Variants in MACROD2 observed in about 807,000 individuals in gnomAD.
The protein encoded by MACROD2 is ADP-ribose glycohydrolase MACROD2.
Under a neutral mutation model 70.4 loss-of-function variants are expected in MACROD2, and 36 were observed. That is an observed-to-expected ratio of 0.51 (90% CI 0.39 to 0.68). The LOEUF (loss-of-function observed/expected upper bound fraction) is 0.68, where lower values mean the gene tolerates loss of function less well. Ranked by LOEUF, MACROD2 falls within the 30% of genes least tolerant of loss-of-function variation. The pLI is 0.00. For missense variants in MACROD2, 496 were observed against 538.4 expected, an observed-to-expected ratio of 0.92 and a Z score of 0.78; for synonymous variants, 172 against 178.8, an observed-to-expected ratio of 0.96 and a Z score of 0.30.
chr20:15,907,683 A>T (rs536152441), intron 10 of MACROD2, among the ~76,000 whole-genome samples: 9 of 152,324 alleles, frequency 5.9e-5, no homozygotes, highest in African/African-American at 1.9e-4. Context: ...GAGTGTGGAC[A>T]GTCATTTTGC....
chr20:14,925,590 C>T (rs943477644), intron 5 of MACROD2, among the ~76,000 whole-genome samples: 4 of 152,166 alleles, frequency 2.6e-5, no homozygotes, highest in African/African-American at 9.7e-5. Context: ...ATACAGAAGG[C>T]TTAACTTCTA....
chr20:14,937,733 A>G (rs141473181), intron 5 of MACROD2, among the ~76,000 whole-genome samples: 195 of 152,252 alleles, frequency 1.3e-3, no homozygotes, highest in African/African-American at 4.4e-3. Flanking sequence ...ACAATAGATT[A>G]TTGTAAATTA....
At chr20:14,964,045 T>C (rs2122774678) in intron 5 of MACROD2, among the ~76,000 whole-genome samples, 1 of 152,068 alleles carries the variant, frequency 6.6e-6, no homozygotes, top group Admixed American at 6.5e-5. Context: ...TTCAGATTTT[T>C]TTCTGTGTTT....
intron 8 of MACROD2, among the ~76,000 whole-genome samples, chr20:15,719,377 A>C (rs758513916): frequency 6.6e-6 from 1 of 152,174 alleles, no homozygotes. Context: ...CATAGTTGTG[A>C]GTGAACTCCA....
At chr20:14,718,337 A>G (rs1662423152) in intron 5 of MACROD2, among the ~76,000 whole-genome samples, 1 of 148,478 alleles carries the variant, frequency 6.7e-6, no homozygotes. Flanking sequence ...ATATATGTGT[A>G]TATATATTAA....
intron 15 of MACROD2, among the ~76,000 whole-genome samples, chr20:15,996,194 C>T (rs1321056767): frequency 6.6e-6 from 1 of 152,096 alleles, no homozygotes. Flanking sequence ...TTTAATGAAA[C>T]TCTCCCTAAC....
intron 3 of MACROD2, among the ~76,000 whole-genome samples, chr20:14,398,706 C>T (rs1256402655): frequency 6.6e-6 from 1 of 152,036 alleles, no homozygotes; most frequent in Non-Finnish European, 1.5e-5. Flanking sequence ...TTCTTCCGTC[C>T]TACAGGTTAT....
chr20:15,759,963 AG>A (rs1255176196), intron 8 of MACROD2, among the ~76,000 whole-genome samples: 1 of 152,194 alleles, frequency 6.6e-6, no homozygotes, highest in Admixed American at 6.5e-5. Flanking sequence ...TGCCGCGTAA[AG>A]CTTCAGAAAA....
At chr20:14,531,739 G>T (rs2085306839) in intron 4 of MACROD2, among the ~76,000 whole-genome samples, 1 of 152,118 alleles carries the variant, frequency 6.6e-6, no homozygotes, top group African/African-American at 2.4e-5. Flanking sequence ...ATGATACATA[G>T]AAATTAAATG....
chr20:15,285,508 G>A (rs2077482944), intron 6 of MACROD2, among the ~76,000 whole-genome samples: 1 of 152,146 alleles, frequency 6.6e-6, no homozygotes, highest in Non-Finnish European at 1.5e-5. Flanking sequence ...TGACAGCAAT[G>A]TATTTAAATT....
intron 5 of MACROD2, among the ~76,000 whole-genome samples, chr20:14,724,447 A>C (rs1256760311): frequency 6.6e-6 from 1 of 152,184 alleles, no homozygotes; most frequent in African/African-American, 2.4e-5. Context: ...ATAAGAGAAA[A>C]TTCCTATTTT....
chr20:15,092,786 C>T (rs972382682), intron 5 of MACROD2, among the ~76,000 whole-genome samples: 4 of 152,080 alleles, frequency 2.6e-5, no homozygotes, highest in African/African-American at 9.7e-5. Flanking sequence ...GTAAGACTAA[C>T]AAAATTCATA....
rs1440450866 is a variant in MACROD2 at position 15,378,128 on chromosome 20, C to A, written c.541-53277C>A. Among the ~76,000 whole-genome samples the A allele has an allele frequency of 5.3e-5, 8 of 149,708 alleles. No homozygotes were observed. The East Asian group carries it at 9.8e-4, about 18-fold the overall frequency. ...CACGTTCTGCATATGTATCCCAGAA[C>A]TTAAGCTATAAGAAAAAAATAAAAG... On this transcript the variant is annotated intron_variant, in intron 6 of 17. Coordinates refer to ENST00000684519, the MANE Select transcript of MACROD2 (RefSeq NM_001351661.2).
chr20:15,853,189 T>A (rs1451375459), intron 8 of MACROD2, among the ~76,000 whole-genome samples: 1 of 151,978 alleles, frequency 6.6e-6, no homozygotes, highest in Non-Finnish European at 1.5e-5. Flanking sequence ...CCAGGGTAGG[T>A]GTTTTAGGTA....
intron 4 of MACROD2, among the ~76,000 whole-genome samples, chr20:14,627,827 A>G (rs966823010): frequency 8.5e-5 from 13 of 152,208 alleles, no homozygotes; most frequent in African/African-American, 2.9e-4. Flanking sequence ...TTCAATGACA[A>G]AAAATGCACT....
intron 6 of MACROD2, among the ~76,000 whole-genome samples, chr20:15,306,555 A>C (rs1179872574): frequency 1.3e-5 from 2 of 152,192 alleles, no homozygotes; most frequent in Non-Finnish European, 2.9e-5. Flanking sequence ...GCTAGAAGCT[A>C]TGCTCTTAAC....
intron 8 of MACROD2, among the ~76,000 whole-genome samples, chr20:15,768,882 G>A (rs1254260504): frequency 6.6e-6 from 1 of 151,176 alleles, no homozygotes; most frequent in African/African-American, 2.4e-5. Flanking sequence ...CGTTACCCTG[G>A]GCCTACACAG....
intron 6 of MACROD2, among the ~76,000 whole-genome samples, chr20:15,399,991 G>A (rs2045908542): frequency 6.6e-6 from 1 of 152,078 alleles, no homozygotes; most frequent in Non-Finnish European, 1.5e-5. Flanking sequence ...CCATGTTCAG[G>A]GACCAGCAGC....
chr20:14,988,762 A>G (rs902131477), intron 5 of MACROD2, among the ~76,000 whole-genome samples: 1 of 152,216 alleles, frequency 6.6e-6, no homozygotes, highest in Non-Finnish European at 1.5e-5. Context: ...AAACTATCTA[A>G]TAAAGCTCCT....
Sources: gnomAD v4.1 joint callset for allele counts (sites outside exome capture counted in the v4.1 genomes callset) on GRCh38, gnomAD v4.1.1 for gene constraint, MANE v1.5 for transcripts, NCBI Gene and HGNC (gene_info 2026-07-23, HGNC 2026-07-21) for gene names.